The following CCNYL1 variants were observed in gnomAD, a reference collection of about 807,000 sequenced individuals.
CCNYL1 encodes cyclin Y like 1, also known as cyclin-Y-like protein 1.
A neutral mutation model predicts 44.2 loss-of-function variants in CCNYL1; 16 were observed. That is an observed-to-expected ratio of 0.36 (90% CI 0.25 to 0.55). CCNYL1 has a LOEUF of 0.55. Among genes scored for constraint, CCNYL1 ranks in the 20% least tolerant of loss-of-function variants. CCNYL1 has a pLI of 0.85. For missense variants in CCNYL1, 348 were observed against 451.8 expected, an observed-to-expected ratio of 0.77 and a Z score of 2.08; for synonymous variants, 159 against 163.2, an observed-to-expected ratio of 0.97 and a Z score of 0.20.
chr2:207,736,409 T>C (rs2091764979), intron 4 of CCNYL1, among the ~76,000 whole-genome samples: 1 of 152,210 alleles, frequency 6.6e-6, no homozygotes. Flanking sequence ...CATCTGTGGG[T>C]AATTTAGGAA....
Position 207,755,485 on chromosome 2 carries a change from C to T in CCNYL1, c.*1787C>T, listed in dbSNP as rs2091925322. On this transcript the variant is annotated 3_prime_UTR_variant, in exon 10 of 10. Coordinates refer to ENST00000295414, the MANE Select transcript of CCNYL1 (RefSeq NM_001330218.2). The stretch of plus-strand genomic sequence containing the variant: ...AAAATTACACTGAACTTTTGGAATA[C>T]CTTGTATCTCCATAAAATGCCCTCT... 3 of 152,196 alleles carry T rather than the reference C, an allele frequency of 2.0e-5. No individual in the cohort carries two copies. In the South Asian group the frequency reaches 6.2e-4, roughly 31 times the overall value. The allele number at this position is 152,196 out of a possible 1,614,324, so 9.4% of individuals were successfully genotyped here.
At chr2:207,736,338 A>G (rs757373867) in intron 4 of CCNYL1, among the ~76,000 whole-genome samples, 2 of 152,208 alleles carry the variant, frequency 1.3e-5, no homozygotes, top group Non-Finnish European at 2.9e-5. Context: ...CAGTTTAGAG[A>G]CTGAGGGCAA....
chr2:207,747,028 C>G lies in CCNYL1; in HGVS notation c.640-19C>G, dbSNP rs1014873565. ...ATTTAAACTGAACTAAAATCAAAGA[C>G]CAGTGCTCTATTTTACAGGTTTACT... On this transcript the variant is annotated intron_variant, in intron 7 of 9. Coordinates refer to ENST00000295414, the MANE Select transcript of CCNYL1 (RefSeq NM_001330218.2). 6.3e-7 allele frequency: 1 copy of G among 1,590,152 alleles called. No individual in the cohort carries two copies. The highest frequency in any genetic ancestry group is 8.6e-7 in the Non-Finnish European group (1 of 1,162,614).
In CCNYL1 at chr2:207,732,636, T is replaced by A. The variant is rs528964709; in HGVS notation, c.331-1311T>A. ...TAAAATTATTAGTATTCTGTGGTTT[T>A]AAAAAAAAATGCTACTGTTACTTTC... On this transcript the variant is annotated intron_variant, in intron 3 of 9. Transcript: ENST00000295414. Among the ~76,000 whole-genome samples, 698 of 151,376 alleles carry A rather than the reference T, an allele frequency of 4.6e-3. 2 individuals carry two copies. The highest frequency in any genetic ancestry group is 7.6e-3 in the Non-Finnish European group (512 of 67,754).
intron 3 of CCNYL1, among the ~76,000 whole-genome samples, chr2:207,731,510 T>C (rs2091725845): frequency 2.6e-5 from 4 of 152,134 alleles, no homozygotes; most frequent in South Asian, 4.1e-4. Flanking sequence ...TGTTTTGTTG[T>C]TTGGATTTTT....
chr2:207,720,310 C>T (rs1263062352), intron 1 of CCNYL1, among the ~76,000 whole-genome samples: 2 of 151,384 alleles, frequency 1.3e-5, no homozygotes, highest in Non-Finnish European at 2.9e-5. Context: ...TTTTTTCCAC[C>T]TTTTTTTCAG....
At chr2:207,729,681 C>A (rs2091710518) in intron 3 of CCNYL1, among the ~76,000 whole-genome samples, 1 of 151,730 alleles carries the variant, frequency 6.6e-6, no homozygotes, top group African/African-American at 2.4e-5. Context: ...CCTTCCTTTC[C>A]CCTTTCCTTT....
rs556379322 is a variant in CCNYL1 at position 207,739,644 on chromosome 2, A to G, written c.468-1011A>G. ...ATCACAAGTGCTTTTCCTTAACACA[A>G]CTCTACCTCGGTATGCAGAATTACT... On this transcript the variant is annotated intron_variant, in intron 5 of 9. Transcript: ENST00000295414. Among the ~76,000 whole-genome samples, 3 of 152,264 alleles carry G rather than the reference A, an allele frequency of 2.0e-5. No homozygotes were observed. The South Asian group carries it at 6.2e-4, about 32-fold the overall frequency.
chr2:207,750,966 G>A lies in CCNYL1; in HGVS notation c.816G>A (p.Met272Ile). 1.2e-6 allele frequency: 2 copies of A among 1,613,480 alleles called. No individual in the cohort carries two copies. The highest frequency in any genetic ancestry group is 1.7e-6 in the Non-Finnish European group (2 of 1,179,768). Residue 272 changes from methionine (M) to isoleucine (I), a missense_variant, in exon 9 of 10, where the codon ATG becomes ATA. Met to Ile is a conservative substitution (Grantham distance 10). This residue lies in a region of CCNYL1 where 45 missense variants were observed against 101.7 expected (regional missense o/e 0.44). Transcript: ENST00000295414. ...KDITVEDMNEMERHFLELLQF... is the reference protein window; with the variant it reads ...KDITVEDMNEIERHFLELLQF... ...GTTCTTCCTCCTCCAGGAATGAAAT[G>A]GAAAGGCATTTTCTGGAGCTTCTTC...
chr2:207,740,582 C>A, intron 5 of CCNYL1, 73 bp from the exon 6 acceptor site: 1 of 1,022,010 alleles, frequency 9.8e-7, no homozygotes, highest in Non-Finnish European at 1.5e-6. Flanking sequence ...CTCCCGCCAC[C>A]CCCAGCAGAC....
intron 8 of CCNYL1, 134 bp downstream of exon 8, chr2:207,747,347 C>A: frequency 3.1e-6 from 2 of 636,490 alleles, no homozygotes; most frequent in Non-Finnish European, 5.0e-6. Flanking sequence ...CTATATCTGT[C>A]TATCTTTAGT....
intron 1 of CCNYL1, among the ~76,000 whole-genome samples, 174 bp from the exon 2 acceptor site, chr2:207,724,626 C>A (rs74570049): frequency 2.6e-5 from 4 of 152,148 alleles, no homozygotes; most frequent in Admixed American, 2.0e-4. Flanking sequence ...TGGAGAGATT[C>A]TACAATTTTG....
chr2:207,737,222 G>A (rs1003028974), intron 4 of CCNYL1, among the ~76,000 whole-genome samples, 189 bp from the exon 5 acceptor site: 2 of 152,010 alleles, frequency 1.3e-5, no homozygotes, highest in African/African-American at 4.8e-5. Flanking sequence ...GCCTTACTTA[G>A]CATTTTGGTT....
intron 1 of CCNYL1, among the ~76,000 whole-genome samples, chr2:207,713,544 G>T (rs761971233): frequency 1.1e-4 from 16 of 152,156 alleles, no homozygotes; most frequent in Non-Finnish European, 2.1e-4. Context: ...GTAGCAGCGT[G>T]ATTCTTGAAT....
chr2:207,726,819 C>T (rs765849350), intron 2 of CCNYL1, 23 bp from the exon 3 acceptor site: 7 of 1,547,902 alleles, frequency 4.5e-6, no homozygotes, highest in Non-Finnish European at 6.1e-6. Flanking sequence ...CAGAATTGAT[C>T]AGCTAATTTT....
intron 1 of CCNYL1, among the ~76,000 whole-genome samples, chr2:207,712,855 G>A (rs2105813951): frequency 6.6e-6 from 1 of 152,248 alleles, no homozygotes; most frequent in South Asian, 2.1e-4. Flanking sequence ...TTTGTCGCCC[G>A]CCCAGGCTGG....
chr2:207,749,840 G>A (rs1020127216), intron 8 of CCNYL1, among the ~76,000 whole-genome samples: 2 of 152,144 alleles, frequency 1.3e-5, no homozygotes, highest in African/African-American at 2.4e-5. Flanking sequence ...CTCCATACAG[G>A]AGATCATCAA....
chr2:207,736,672 TAATG>T (rs1386879764), intron 4 of CCNYL1, among the ~76,000 whole-genome samples: 4 of 152,230 alleles, frequency 2.6e-5, no homozygotes, highest in Admixed American at 6.5e-5. Flanking sequence ...TAAGGGGAAA[TAATG>T]AAAGATGGGT....
At chr2:207,738,962 C>T (rs1175066619) in intron 5 of CCNYL1, among the ~76,000 whole-genome samples, 7 of 151,732 alleles carry the variant, frequency 4.6e-5, no homozygotes, top group African/African-American at 7.2e-5. Context: ...TCAAGCAATC[C>T]GCACACCTCA....
Sources: allele counts gnomAD v4.1 joint callset (sites outside exome capture counted in the v4.1 genomes callset), GRCh38; gene constraint gnomAD v4.1.1; regional missense constraint gnomAD v4.1.1; transcripts MANE v1.5; gene names NCBI Gene and HGNC (gene_info 2026-07-23, HGNC 2026-07-21).